PLCB4: variants seen among roughly 807,000 people sequenced by gnomAD.
PLCB4 encodes the protein phospholipase C beta 4.
Under a neutral mutation model 178.8 loss-of-function variants are expected in PLCB4, and 77 were observed. The observed-to-expected ratio is 0.43, with a 90% confidence interval of 0.36 to 0.52. The LOEUF (loss-of-function observed/expected upper bound fraction) is 0.52. Ranked by LOEUF, PLCB4 falls within the 20% of genes least tolerant of loss-of-function variation. The pLI, the probability that PLCB4 is intolerant of heterozygous loss-of-function variation, is 0.00. For missense variants in PLCB4, 1,024 were observed against 1,453.4 expected, an observed-to-expected ratio of 0.70 and a Z score of 4.80; for synonymous variants, 496 against 490.8, an observed-to-expected ratio of 1.01 and a Z score of -0.14.
At chr20:9,079,555 G>T (rs1395814951) in intron 1 of PLCB4, among the ~76,000 whole-genome samples, 1 of 152,162 alleles carries the variant, frequency 6.6e-6, no homozygotes, top group Non-Finnish European at 1.5e-5. Flanking sequence ...AAGCCAGAGG[G>T]CAGGAGAGAG....
At chr20:9,102,708 A>G (rs916287815) in intron 2 of PLCB4, among the ~76,000 whole-genome samples, 2 of 151,968 alleles carry the variant, frequency 1.3e-5, no homozygotes, top group Admixed American at 1.3e-4. Flanking sequence ...TAATATACCT[A>G]CTTTTTCCTC....
chr20:9,291,957 G>A (rs2094583519), intron 3 of PLCB4, among the ~76,000 whole-genome samples: 1 of 152,156 alleles, frequency 6.6e-6, no homozygotes, highest in Non-Finnish European at 1.5e-5. Context: ...TAATAGCAAA[G>A]ATCTATTTAT....
rs780395190 is a variant in PLCB4, at chr20:9,408,651, A to G, written c.1808A>G (p.Asn603Ser). The G allele has an allele frequency of 1.3e-6, 2 of 1,574,920 alleles. No homozygotes were observed. Among genetic ancestry groups the G allele is most frequent in the South Asian group, 2.2e-5 (2 of 90,022 alleles). The change falls in exon 23 of 40, where the codon AAC becomes AGC. Residue 603 changes from asparagine (N) to serine (S), a missense_variant. Asn to Ser is a conservative substitution (Grantham distance 46, BLOSUM62 1). This residue lies in a region of PLCB4 where 263 missense variants were observed against 417.4 expected (regional missense o/e 0.63). Transcript: ENST00000378473. ...TTTACAGAACGCAATATTCATTATA[A>G]CATGTCTTCTTTTAATGAATCAGTC... ...HVAEERNIHY[N>S]MSSFNESVGL...
chr20:9,468,537 C>G lies in PLCB4; in HGVS notation c.3249-34C>G, dbSNP rs201294522. ...CATTAAACACAAACTCTCCATCCCCCCTCCCTGTTTGTTTTCTTGTTTTTA... is the reference window on the plus strand; with the variant it reads ...CATTAAACACAAACTCTCCATCCCCGCTCCCTGTTTGTTTTCTTGTTTTTA... On this transcript the variant is annotated intron_variant, in intron 35 of 39. Coordinates refer to ENST00000378473, the MANE Select transcript of PLCB4 (RefSeq NM_001377142.1). 3.6e-4 allele frequency: 462 copies of G among 1,266,988 alleles called. 4 individuals are homozygous for G. Among genetic ancestry groups the G allele is most frequent in the South Asian group, 5.6e-4 (47 of 83,854 alleles). 78.5% of individuals were successfully genotyped at this position (1,266,988 alleles called of 1,614,324 possible).
At chr20:9,086,117 C>G (rs1233991202) in intron 1 of PLCB4, among the ~76,000 whole-genome samples, 1 of 152,050 alleles carries the variant, frequency 6.6e-6, no homozygotes, top group Non-Finnish European at 1.5e-5. Context: ...TTTTACCCTG[C>G]CTGCCTCACT....
rs1160374568 is a variant in PLCB4, at chr20:9,255,448, C to G, written c.-16+37996C>G. 2.0e-5 allele frequency among the ~76,000 whole-genome samples: 3 copies of G among 151,486 alleles called. No individual in the cohort carries two copies. The East Asian group carries it at 5.8e-4, about 29-fold the overall frequency. ...TGGTGGATTAAACCAGCCTAATTAA[C>G]TTGTCTCTCCTCTCTACTACAGGTC... On this transcript the variant is annotated intron_variant, in intron 3 of 39. Coordinates refer to ENST00000378473, the MANE Select transcript of PLCB4 (RefSeq NM_001377142.1).
At chr20:9,082,439 GC>G (rs1340868660) in intron 1 of PLCB4, among the ~76,000 whole-genome samples, 2 of 152,078 alleles carry the variant, frequency 1.3e-5, no homozygotes, top group South Asian at 4.2e-4. Flanking sequence ...TCTTCACCAG[GC>G]CCCCCTCCCC....
At chr20:9,211,714 T>TAGTTATGTACCCAATAGA (rs1307064133) in intron 2 of PLCB4, among the ~76,000 whole-genome samples, 2 of 152,220 alleles carry the variant, frequency 1.3e-5, no homozygotes, top group Non-Finnish European at 2.9e-5. Flanking sequence ...TAAATAATTA[T>TAGTTATGTACCCAATAGA]AGTTATGTAC....
chr20:9,292,800 T>C (rs967294953), intron 3 of PLCB4, among the ~76,000 whole-genome samples: 2 of 152,106 alleles, frequency 1.3e-5, no homozygotes, highest in African/African-American at 4.8e-5. Flanking sequence ...GCATTTGGGC[T>C]GGGCACAGTG....
chr20:9,321,938 T>C (rs1017717762), intron 4 of PLCB4, among the ~76,000 whole-genome samples: 3 of 129,560 alleles, frequency 2.3e-5, no homozygotes, highest in Non-Finnish European at 4.6e-5. Context: ...CTGGCCTTTC[T>C]TTTTTTTCTT....
chr20:9,337,148 A>C lies in PLCB4; in HGVS notation c.107A>C (p.Asn36Thr), dbSNP rs775625121. 6.2e-7 allele frequency: 1 copy of C among 1,613,010 alleles called. No individual in the cohort carries two copies. Among genetic ancestry groups the C allele is most frequent in the East Asian group, 2.2e-5 (1 of 44,848 alleles). ...CAGGAATCCTTTGTGTTTGAACCCAACTGCCTCTTCAAAGTGGATGAGTTT... is the reference window on the plus strand; with the variant it reads ...CAGGAATCCTTTGTGTTTGAACCCACCTGCCTCTTCAAAGTGGATGAGTTT... Reference protein sequence around the residue: ...YEEESFVFEPNCLFKVDEFGF... With the variant: ...YEEESFVFEPTCLFKVDEFGF... The change falls in exon 5 of 40, where the codon AAC (asparagine) becomes ACC (threonine). Residue 36 changes from asparagine (N) to threonine (T), a missense_variant. Transcript: ENST00000378473.
chr20:9,402,651 C>T (rs2039118359), intron 20 of PLCB4, among the ~76,000 whole-genome samples: 1 of 152,122 alleles, frequency 6.6e-6, no homozygotes, highest in African/African-American at 2.4e-5. Context: ...ACGAGAGTCC[C>T]CGATGGTCAA....
At chr20:9,205,416 C>T (rs2093604113) in intron 2 of PLCB4, among the ~76,000 whole-genome samples, 1 of 152,210 alleles carries the variant, frequency 6.6e-6, no homozygotes, top group Admixed American at 6.5e-5. Flanking sequence ...TATTCTAAAT[C>T]TAGAGCATCT....
intron 28 of PLCB4, among the ~76,000 whole-genome samples, chr20:9,431,126 A>C (rs2041364927): frequency 6.6e-6 from 1 of 152,150 alleles, no homozygotes; most frequent in South Asian, 2.1e-4. Flanking sequence ...GCCCTCTCTG[A>C]AGGCTCTCGG....
intron 2 of PLCB4, among the ~76,000 whole-genome samples, chr20:9,184,664 C>T (rs1027028810): frequency 1.4e-5 from 2 of 144,396 alleles, no homozygotes; most frequent in Non-Finnish European, 3.0e-5. Context: ...TTTTATTCAA[C>T]TAGTTTTGAC....
chr20:9,324,820 A>G (rs1031772408), intron 4 of PLCB4, among the ~76,000 whole-genome samples: 9 of 152,200 alleles, frequency 5.9e-5, no homozygotes, highest in Non-Finnish European at 8.8e-5. Flanking sequence ...TCAGAAGACA[A>G]AAGTCCAACT....
At chr20:9,477,113 A>G (rs2044598907) in intron 39 of PLCB4, among the ~76,000 whole-genome samples, 1 of 152,058 alleles carries the variant, frequency 6.6e-6, no homozygotes. Context: ...ATATGACTCC[A>G]ATTAATTTTT....
intron 32 of PLCB4, among the ~76,000 whole-genome samples, chr20:9,448,731 C>G (rs2042568035): frequency 6.6e-6 from 1 of 151,896 alleles, no homozygotes; most frequent in South Asian, 2.1e-4. Context: ...TTTGCCACTG[C>G]TGGCCTAGAT....
intron 4 of PLCB4, among the ~76,000 whole-genome samples, chr20:9,324,716 A>G (rs2030138144): frequency 6.6e-6 from 1 of 152,160 alleles, no homozygotes; most frequent in African/African-American, 2.4e-5. Flanking sequence ...TAATTGCTGC[A>G]CTTATTTTAG....
Sources: allele counts gnomAD v4.1 joint callset (sites outside exome capture counted in the v4.1 genomes callset), GRCh38; gene constraint gnomAD v4.1.1; regional missense constraint gnomAD v4.1.1; transcripts MANE v1.5; gene names NCBI Gene and HGNC (gene_info 2026-07-23, HGNC 2026-07-21).